KCNQ1OT1: variants seen among roughly 807,000 people sequenced by gnomAD.
KCNQ1OT1 encodes the protein KCNQ1 antisense RNA 2 (non-protein coding).
At chr11:2,644,212 C>CTGGGACACTGAAGGTGTCACCTTA (rs1333632151) in exon 1 of KCNQ1OT1, 3 of 398,436 alleles carry the variant, frequency 7.5e-6, no homozygotes, top group Non-Finnish European at 1.3e-5. Flanking sequence ...TCTTCACCTT[C>CTGGGACACTGAAGGTGTCACCTTA]TGGGACACTG....
At chr11:2,655,056 C>A (rs946086067) in exon 1 of KCNQ1OT1, 1 of 398,600 alleles carries the variant, frequency 2.5e-6, no homozygotes, top group Non-Finnish European at 4.4e-6. Flanking sequence ...GGATCTGTTT[C>A]CTTCTAGTCT....
exon 1 of KCNQ1OT1, chr11:2,665,325 A>G (rs1303777526): frequency 2.5e-6 from 1 of 398,226 alleles, no homozygotes; most frequent in East Asian, 3.6e-5. Flanking sequence ...GGTGGGAAGT[A>G]GAGACTGTAG....
In KCNQ1OT1 at chr11:2,658,820, G is replaced by A. The variant is rs904457455; in HGVS notation, n.41175C>T. On this transcript the variant is annotated non_coding_transcript_exon_variant, in exon 1 of 1. Coordinates refer to ENST00000597346, the Ensembl canonical transcript of KCNQ1OT1. The surrounding 1 kb of genome is among the most constrained non-coding windows in gnomAD (Gnocchi z 4.9). ...CCCCCTCCCCCACAACTTATTTATAGCTTTTTCTCTGACAGCTAGAAACCT... is the reference window on the plus strand; with the variant it reads ...CCCCCTCCCCCACAACTTATTTATAACTTTTTCTCTGACAGCTAGAAACCT... 1.3e-5 allele frequency: 5 copies of A among 398,256 alleles called. No homozygotes were observed. The highest frequency in any genetic ancestry group is 4.1e-5 in the African/African-American group (2 of 48,522). The allele number at this position is 398,256 out of a possible 1,614,324, so 24.7% of individuals were successfully genotyped here.
chr11:2,693,523 A>C, exon 1 of KCNQ1OT1: 1 of 398,694 alleles, frequency 2.5e-6, no homozygotes, highest in Non-Finnish European at 4.4e-6. Flanking sequence ...CTCCTGGCTG[A>C]GGCCCGGGCT....
rs1275814348 is a variant in KCNQ1OT1, at chr11:2,658,460, G to GC, written n.41534dup. On this transcript the variant is annotated non_coding_transcript_exon_variant, in exon 1 of 1. Coordinates refer to ENST00000597346, the Ensembl canonical transcript of KCNQ1OT1. The surrounding 1 kb of genome is among the most constrained non-coding windows in gnomAD (Gnocchi z 4.9). ...GTGGGTTCATGTGTCCTTTTGATGT[G>GC]CCCCCCGCCATCCTTTTCATTTATT... The GC allele has an allele frequency of 2.0e-5, 8 of 398,196 alleles. No individual in the cohort carries two copies. The highest frequency in any genetic ancestry group is 1.3e-4 in the South Asian group (1 of 7,840). 24.7% of individuals were successfully genotyped at this position (398,196 alleles called of 1,614,324 possible).
exon 1 of KCNQ1OT1, chr11:2,656,504 G>A (rs1008842663): frequency 5.0e-6 from 2 of 398,562 alleles, no homozygotes; most frequent in African/African-American, 4.1e-5. Flanking sequence ...ATGAGCTCCT[G>A]AGTTTATTTA....
In KCNQ1OT1 at chr11:2,652,088, C is replaced by A. The variant is rs1316765485; in HGVS notation, n.47907G>T. 1 of 398,542 alleles carries A rather than the reference C, an allele frequency of 2.5e-6. No homozygotes were observed. Among genetic ancestry groups the A allele is most frequent in the Non-Finnish European group, 4.4e-6 (1 of 226,120 alleles). 24.7% of individuals were successfully genotyped at this position (398,542 alleles called of 1,614,324 possible). The stretch of plus-strand genomic sequence containing the variant: ...ATTTGAGAAGCTATGGGGAGCCTCT[C>A]GGCCCCAGTTCTGGCCTGGCTGGGA... On this transcript the variant is annotated non_coding_transcript_exon_variant, in exon 1 of 1. Transcript: ENST00000597346. The surrounding 1 kb of genome is among the most constrained non-coding windows in gnomAD (Gnocchi z 5.9).
At position 2,682,545 on chromosome 11, in the gene KCNQ1OT1, C is replaced by T. The variant is rs1850416871; in HGVS notation, n.17450G>A. On this transcript the variant is annotated non_coding_transcript_exon_variant, in exon 1 of 1. Transcript: ENST00000597346. The surrounding 1 kb of genome is among the most constrained non-coding windows in gnomAD (Gnocchi z 5.8). ...GTCAAACCAGGTGCTAGGACCCTGG[C>T]AGGGGTTCCATAAGGCTATGCTGGG... The T allele has an allele frequency of 5.0e-6, 2 of 398,514 alleles. No individual in the cohort carries two copies. Among genetic ancestry groups the T allele is most frequent in the Non-Finnish European group, 8.8e-6 (2 of 226,056 alleles). 24.7% of individuals were successfully genotyped at this position (398,514 alleles called of 1,614,324 possible). A position where few individuals can be genotyped will look rare whatever the true frequency, so the allele number is the denominator to read the frequency against.
chr11:2,648,981 CTTTTTTTTT>C lies in KCNQ1OT1; in HGVS notation n.51005_51013del. 4.0e-4 allele frequency: 125 copies of C among 313,704 alleles called. No homozygotes were observed. In the South Asian group the frequency reaches 6.9e-3, roughly 17 times the overall value. The allele number at this position is 313,704 out of a possible 1,614,324, so 19.4% of individuals were successfully genotyped here. A position where few individuals can be genotyped will look rare whatever the true frequency, so the allele number is the denominator to read the frequency against. ...CCTCCTTTGTCTCTTTTTTCTTTTT[CTTTTTTTTT>C]TTTTTTTTTTTTTTGACTCAGTATT... On this transcript the variant is annotated non_coding_transcript_exon_variant, in exon 1 of 1. Transcript: ENST00000597346.
exon 1 of KCNQ1OT1, chr11:2,631,524 C>T: frequency 2.5e-6 from 1 of 398,420 alleles, no homozygotes. Context: ...GCACACTGAA[C>T]TTCCTTAAAT....
exon 1 of KCNQ1OT1, chr11:2,665,235 CAA>C (rs1564850666): frequency 2.5e-6 from 1 of 398,464 alleles, no homozygotes; most frequent in Non-Finnish European, 4.4e-6. Flanking sequence ...GAATGGGGCA[CAA>C]GAGAGTCCCT....
At chr11:2,662,249 G>GGA (rs1446369738) in exon 1 of KCNQ1OT1, 33 of 768,582 alleles carry the variant, frequency 4.3e-5, no homozygotes, top group Admixed American at 2.5e-4. Flanking sequence ...AGGCAAGAGA[G>GGA]GAGAGCAAGG....
exon 1 of KCNQ1OT1, chr11:2,639,889 A>G (rs540564365): frequency 2.1e-4 from 32 of 153,204 alleles, no homozygotes; most frequent in African/African-American, 6.3e-4. Context: ...CACTTTGTTT[A>G]CCTACTCAAG....
exon 1 of KCNQ1OT1, chr11:2,688,846 G>C (rs1850541381): frequency 2.5e-6 from 1 of 398,846 alleles, no homozygotes; most frequent in Non-Finnish European, 4.4e-6. Context: ...CACTCCAGGT[G>C]GAGAGGGCTG....
chr11:2,676,249 G>A lies in KCNQ1OT1; in HGVS notation n.23746C>T. 1 of 398,634 alleles carries A rather than the reference G, an allele frequency of 2.5e-6. No homozygotes were observed. The highest frequency in any genetic ancestry group is 4.4e-5 in the Admixed American group (1 of 22,738). 24.7% of individuals were successfully genotyped at this position (398,634 alleles called of 1,614,324 possible). A position where few individuals can be genotyped will look rare whatever the true frequency, so the allele number is the denominator to read the frequency against. ...TGATTTATTATGGTGCAGTACATCT[G>A]AGAAGCATTTTTATTGCAAAATGTG... On this transcript the variant is annotated non_coding_transcript_exon_variant, in exon 1 of 1. Coordinates refer to ENST00000597346, the Ensembl canonical transcript of KCNQ1OT1. The surrounding 1 kb of genome is among the most constrained non-coding windows in gnomAD (Gnocchi z 4.2).
At chr11:2,622,465 C>G in exon 1 of KCNQ1OT1, 1 of 398,386 alleles carries the variant, frequency 2.5e-6, no homozygotes, top group East Asian at 3.6e-5. Context: ...TTGTTATATA[C>G]AGCATAGGTT....
chr11:2,656,768 T>C (rs1022908269), exon 1 of KCNQ1OT1: 1 of 398,530 alleles, frequency 2.5e-6, no homozygotes, highest in Non-Finnish European at 4.4e-6. Flanking sequence ...ATTGCTTCTT[T>C]TAAAAAAAAC....
exon 1 of KCNQ1OT1, chr11:2,610,917 G>C: frequency 2.5e-6 from 1 of 398,150 alleles, no homozygotes; most frequent in Non-Finnish European, 4.4e-6. Context: ...TTGGGTAATA[G>C]TTCAATAACT....
chr11:2,650,523 A>G (rs183230656), exon 1 of KCNQ1OT1: 13 of 398,710 alleles, frequency 3.3e-5, no homozygotes, highest in Non-Finnish European at 5.7e-5. Flanking sequence ...TATAATCCAC[A>G]TCAGTGGTAT....
Sources: allele counts gnomAD v4.1 joint callset, GRCh38; gene constraint gnomAD v4.1.1; non-coding constraint Gnocchi (gnomAD v3.1); transcripts MANE v1.5; gene names NCBI Gene and HGNC (gene_info 2026-07-23, HGNC 2026-07-21).